The following CMSS1 variants were observed in gnomAD, a reference collection of about 807,000 sequenced individuals.
The protein encoded by CMSS1 is protein CMSS1.
A neutral mutation model predicts 43.5 loss-of-function variants in CMSS1; 33 were observed. The ratio of observed to expected loss-of-function variants is 0.76; its 90% CI spans 0.57 to 1.01. CMSS1 has a LOEUF of 1.01. Ranked by LOEUF, CMSS1 falls within the 50% of genes least tolerant of loss-of-function variation. The pLI is 0.00. For synonymous variants in CMSS1, 115 were observed against 117.2 expected (o/e 0.98, Z 0.12); for missense variants, 313 against 326.4 (o/e 0.96, Z 0.32).
At chr3:99,843,110 T>C (rs1167033197) in intron 1 of CMSS1, among the ~76,000 whole-genome samples, 1 of 152,252 alleles carries the variant, frequency 6.6e-6, no homozygotes, top group East Asian at 1.9e-4. Context: ...TTCCTTGCTC[T>C]TTCTTGTATT....
At chr3:100,132,426 T>TA (rs2066716128) in intron 1 of CMSS1, among the ~76,000 whole-genome samples, 1 of 152,014 alleles carries the variant, frequency 6.6e-6, no homozygotes, top group Non-Finnish European at 1.5e-5. Flanking sequence ...ATAAATAATT[T>TA]GTTAAGATTA....
At chr3:100,167,430 C>T (rs1020251114) in intron 5 of CMSS1, among the ~76,000 whole-genome samples, 1 of 152,174 alleles carries the variant, frequency 6.6e-6, no homozygotes, top group Admixed American at 6.6e-5. Context: ...ATTTAATCAA[C>T]ATTGTCTTCA....
At chr3:100,166,301 A>T in intron 4 of CMSS1, 34 bp from the exon 5 acceptor site, 1 of 1,431,140 alleles carries the variant, frequency 7.0e-7, no homozygotes, top group Non-Finnish European at 9.9e-7. Flanking sequence ...GTGTTTACAA[A>T]ATTATCTACA....
At chr3:99,913,484 A>G (rs548209021) in intron 1 of CMSS1, among the ~76,000 whole-genome samples, 2 of 152,362 alleles carry the variant, frequency 1.3e-5, no homozygotes, top group East Asian at 3.9e-4. Flanking sequence ...ACTGAGAATC[A>G]ATTAACCAAA....
chr3:99,849,228 A>G (rs757798611), intron 1 of CMSS1: 3 of 1,614,034 alleles, frequency 1.9e-6, no homozygotes, highest in Non-Finnish European at 2.5e-6. Flanking sequence ...GTTCCAGAGG[A>G]ATGAGGCTCT....
chr3:99,991,947 T>A (rs1413185996), intron 1 of CMSS1, among the ~76,000 whole-genome samples: 1 of 149,248 alleles, frequency 6.7e-6, no homozygotes, highest in African/African-American at 2.5e-5. Flanking sequence ...TGTGTATATA[T>A]GTGTATATAT....
chr3:99,827,222 C>A (rs1942552415), intron 1 of CMSS1, among the ~76,000 whole-genome samples: 2 of 152,124 alleles, frequency 1.3e-5, no homozygotes, highest in African/African-American at 4.8e-5. Flanking sequence ...GACAGAGTCT[C>A]ACTCTGTCAC....
At chr3:99,854,877 G>A (rs980937893) in intron 1 of CMSS1, among the ~76,000 whole-genome samples, 2 of 152,128 alleles carry the variant, frequency 1.3e-5, no homozygotes, top group Non-Finnish European at 2.9e-5. Context: ...CCTGCTAGTG[G>A]CCTATTCTTT....
intron 1 of CMSS1, 137 bp from the exon 2 acceptor site, chr3:100,146,836 A>C: frequency 9.1e-7 from 1 of 1,098,488 alleles, no homozygotes; most frequent in Non-Finnish European, 1.3e-6. Context: ...TTTACTTTGG[A>C]CCATTTCCTT....
chr3:99,833,400 G>T, intron 1 of CMSS1: 2 of 682,600 alleles, frequency 2.9e-6, no homozygotes, highest in East Asian at 2.8e-5. Context: ...TTATTAGAAG[G>T]CATTGAGTCA....
intron 1 of CMSS1, among the ~76,000 whole-genome samples, chr3:99,921,948 C>T (rs1232348958): frequency 6.6e-6 from 1 of 152,172 alleles, no homozygotes; most frequent in African/African-American, 2.4e-5. Flanking sequence ...CATCTGCCTC[C>T]CAACATTCCA....
chr3:100,110,920 T>C (rs1387500644), intron 1 of CMSS1, among the ~76,000 whole-genome samples: 2 of 152,178 alleles, frequency 1.3e-5, no homozygotes, highest in African/African-American at 4.8e-5. Context: ...AAAATTCCAT[T>C]TGTATTTTGC....
At position 100,112,255 on chromosome 3, in the gene CMSS1, G is replaced by T. The variant is rs1356016585; in HGVS notation, c.65-34718G>T. ...AGAAAGGTGAAGCGGGTATTACATT[G>T]GTAATGAAAATTTTGCTTTAGGTTA... On this transcript the variant is annotated intron_variant, in intron 1 of 9. Transcript: ENST00000421999. Among the ~76,000 whole-genome samples the T allele has an allele frequency of 2.0e-5, 3 of 152,056 alleles. 1 individual carries two copies. The highest frequency in any genetic ancestry group is 1.3e-4 in the Admixed American group (2 of 15,252).
At chr3:99,850,679 G>T in intron 1 of CMSS1, 2 of 1,614,036 alleles carry the variant, frequency 1.2e-6, no homozygotes, top group Non-Finnish European at 1.7e-6. Context: ...TCATCAATCT[G>T]CCGGCTGAGT....
At chr3:99,974,262 G>A (rs1278964756) in intron 1 of CMSS1, among the ~76,000 whole-genome samples, 1 of 152,160 alleles carries the variant, frequency 6.6e-6, no homozygotes, top group Non-Finnish European at 1.5e-5. Flanking sequence ...TATACAGTTC[G>A]TGCTTTCAAG....
intron 1 of CMSS1, among the ~76,000 whole-genome samples, chr3:100,132,947 G>T (rs1321767268): frequency 6.6e-6 from 1 of 151,906 alleles, no homozygotes; most frequent in Non-Finnish European, 1.5e-5. Flanking sequence ...TGTTTACTGG[G>T]GTGTGATAAA....
chr3:100,077,109 G>T (rs1448800611), intron 1 of CMSS1, among the ~76,000 whole-genome samples: 1 of 152,170 alleles, frequency 6.6e-6, no homozygotes, highest in African/African-American at 2.4e-5. Flanking sequence ...GCTGTGTTTT[G>T]CATTTAGCGT....
At chr3:99,963,990 G>C (rs1559705644) in intron 1 of CMSS1, among the ~76,000 whole-genome samples, 1 of 151,976 alleles carries the variant, frequency 6.6e-6, no homozygotes, top group African/African-American at 2.4e-5. Context: ...GAGCTCCCAG[G>C]TACAACCAAG....
At chr3:100,101,011 A>T (rs1388323082) in intron 1 of CMSS1, among the ~76,000 whole-genome samples, 1 of 152,168 alleles carries the variant, frequency 6.6e-6, no homozygotes, top group East Asian at 1.9e-4. Context: ...GTGGCATCTC[A>T]CTTGCATGCA....
Sources: allele counts gnomAD v4.1 joint callset (sites outside exome capture counted in the v4.1 genomes callset), GRCh38; gene constraint gnomAD v4.1.1; transcripts MANE v1.5; gene names NCBI Gene and HGNC (gene_info 2026-07-23, HGNC 2026-07-21).